Variants in EPB41L4A observed in about 807,000 individuals in gnomAD.
EPB41L4A encodes band 4.1-like protein 4A.
In EPB41L4A, 100 loss-of-function variants were observed where a neutral mutation model predicts 108.6. The observed-to-expected ratio is 0.92, with a 90% CI of 0.78 to 1.09. The LOEUF (loss-of-function observed/expected upper bound fraction) is 1.09. EPB41L4A is among the 50% of genes least tolerant of loss of function. EPB41L4A has a pLI of 0.00. For synonymous variants in EPB41L4A, 319 were observed against 289.0 expected (o/e 1.10, Z -1.05); for missense variants, 1,030 against 842.7 (o/e 1.22, Z -2.75).
chr5:112,224,030 C>A (rs4518451), intron 12 of EPB41L4A, among the ~76,000 whole-genome samples: 33,293 of 152,156 alleles, frequency 0.22, 4,337 homozygotes, highest in Non-Finnish European at 0.3. Context: ...CGGCTCATTG[C>A]AGCCTCCGCC....
At chr5:112,418,358 T>A (rs892355536) in intron 1 of EPB41L4A, among the ~76,000 whole-genome samples, 1 of 152,206 alleles carries the variant, frequency 6.6e-6, no homozygotes, top group East Asian at 1.9e-4. Flanking sequence ...AGGAGCAAAG[T>A]TATTACTGGG....
chr5:112,402,640 AATC>A (rs1392528275), intron 1 of EPB41L4A, among the ~76,000 whole-genome samples: 2 of 152,166 alleles, frequency 1.3e-5, no homozygotes, highest in Admixed American at 6.5e-5. Flanking sequence ...TATCACATAA[AATC>A]ACCACCCCTC....
At chr5:112,158,920 G>A (rs899857862), downstream of EPB41L4A, among the ~76,000 whole-genome samples, 1 of 152,154 alleles carries the variant, frequency 6.6e-6, no homozygotes, top group Admixed American at 6.5e-5. Context: ...CAAGACTAAG[G>A]CATGTTATAA....
intron 18 of EPB41L4A, among the ~76,000 whole-genome samples, chr5:112,183,587 C>G (rs183194254): frequency 6.6e-6 from 1 of 152,196 alleles, no homozygotes; most frequent in Non-Finnish European, 1.5e-5. Context: ...TAATGAATCA[C>G]TCACTGACTA....
intron 1 of EPB41L4A, among the ~76,000 whole-genome samples, chr5:112,353,647 A>G (rs1758191525): frequency 1.3e-5 from 2 of 152,076 alleles, no homozygotes; most frequent in Non-Finnish European, 2.9e-5. Context: ...CAAGAGGTAT[A>G]ATTAGGCAAC....
At chr5:112,252,628 A>G (rs1021883401) in intron 9 of EPB41L4A, among the ~76,000 whole-genome samples, 1 of 152,140 alleles carries the variant, frequency 6.6e-6, no homozygotes, top group Admixed American at 6.5e-5. Flanking sequence ...GTTCTCACTT[A>G]TAAGTGGGAA....
chr5:112,241,815 A>T (rs1749801913), intron 9 of EPB41L4A, among the ~76,000 whole-genome samples: 1 of 152,240 alleles, frequency 6.6e-6, no homozygotes, highest in Non-Finnish European at 1.5e-5. Context: ...GCTGCAGACT[A>T]CTGCAATAAA....
upstream of EPB41L4A, chr5:112,419,764 C>A (rs1480907692): frequency 2.2e-6 from 1 of 456,784 alleles, no homozygotes; most frequent in Non-Finnish European, 4.4e-6. Flanking sequence ...CTTACCCAGA[C>A]CAGCGAGGGG....
chr5:112,270,892 G>T (rs1365032401), intron 4 of EPB41L4A, among the ~76,000 whole-genome samples: 1 of 152,162 alleles, frequency 6.6e-6, no homozygotes, highest in African/African-American at 2.4e-5. Context: ...CACCTGTTTT[G>T]AGACTCTAAA....
chr5:112,367,742 T>G (rs1010512527), intron 1 of EPB41L4A, among the ~76,000 whole-genome samples: 2 of 152,136 alleles, frequency 1.3e-5, no homozygotes, highest in Admixed American at 6.5e-5. Context: ...AGAAAGACAA[T>G]GAAAATATGA....
At chr5:112,394,455 C>G (rs1315776304) in intron 1 of EPB41L4A, among the ~76,000 whole-genome samples, 1 of 152,154 alleles carries the variant, frequency 6.6e-6, no homozygotes, top group Non-Finnish European at 1.5e-5. Flanking sequence ...AACAAACAAA[C>G]AGAGAGCCAA....
At chr5:112,399,507 G>A (rs529169465) in intron 1 of EPB41L4A, among the ~76,000 whole-genome samples, 1 of 152,262 alleles carries the variant, frequency 6.6e-6, no homozygotes, top group East Asian at 1.9e-4. Flanking sequence ...AAATATATCT[G>A]TTTAAAGAAT....
chr5:112,280,292 TCAG>T lies in EPB41L4A; in HGVS notation c.233_235del (p.Ala78del). The stretch of plus-strand genomic sequence containing the variant: ...CCTACTGTTGATCAGTTCTTTGTGT[TCAG>T]CAAGGGTTTTTGCAGGATCCAGCCA... On this transcript the variant is annotated inframe_deletion, in exon 3 of 23. Transcript: ENST00000261486. The T allele has an allele frequency of 6.2e-7, 1 of 1,614,108 alleles. No individual in the cohort carries two copies. Among genetic ancestry groups the T allele is most frequent in the Non-Finnish European group, 8.5e-7 (1 of 1,179,946 alleles).
chr5:112,213,959 T>C (rs150830545), intron 12 of EPB41L4A, among the ~76,000 whole-genome samples: 54 of 152,372 alleles, frequency 3.5e-4, no homozygotes, highest in African/African-American at 1.2e-3. Context: ...GATTTTACCA[T>C]ACCACCATTT....
intron 2 of EPB41L4A, among the ~76,000 whole-genome samples, chr5:112,304,741 A>T (rs912995486): frequency 6.6e-6 from 1 of 152,114 alleles, no homozygotes; most frequent in Non-Finnish European, 1.5e-5. Flanking sequence ...TACATGTTCA[A>T]TGCCTTATCA....
intron 12 of EPB41L4A, among the ~76,000 whole-genome samples, chr5:112,151,892 G>C (rs1309831889): frequency 6.6e-6 from 1 of 151,896 alleles, no homozygotes; most frequent in Non-Finnish European, 1.5e-5. Context: ...CACCACGCCT[G>C]GCTAATTTAT....
chr5:112,174,272 C>T (rs921901447), intron 18 of EPB41L4A, among the ~76,000 whole-genome samples: 2 of 152,196 alleles, frequency 1.3e-5, no homozygotes, highest in Non-Finnish European at 2.9e-5. Context: ...AGGATGAATT[C>T]ATGATCTGCA....
At chr5:112,362,186 C>A (rs1456517301) in intron 1 of EPB41L4A, among the ~76,000 whole-genome samples, 5 of 152,026 alleles carry the variant, frequency 3.3e-5, no homozygotes, top group African/African-American at 1.2e-4. Context: ...TCACAGCAGC[C>A]TTGAATTCCT....
chr5:112,298,987 G>C (rs113342705), intron 2 of EPB41L4A, among the ~76,000 whole-genome samples: 1 of 152,146 alleles, frequency 6.6e-6, no homozygotes, highest in Admixed American at 6.5e-5. Context: ...GGTGTCAGTT[G>C]TAATATCCCC....
Sources: allele counts gnomAD v4.1 joint callset (sites outside exome capture counted in the v4.1 genomes callset), GRCh38; gene constraint gnomAD v4.1.1; transcripts MANE v1.5; gene names NCBI Gene and HGNC (gene_info 2026-07-23, HGNC 2026-07-21).